The following PARM1 variants were observed in gnomAD, a reference collection of about 807,000 sequenced individuals.
The protein encoded by PARM1 is WSC4, cell wall integrity and stress response component 4 homolog.
A neutral mutation model predicts 24.6 loss-of-function variants in PARM1; 14 were observed. The observed-to-expected ratio is 0.57, with a 90% CI of 0.38 to 0.89. The LOEUF is 0.89. Ranked by LOEUF, PARM1 falls within the 40% of genes least tolerant of loss-of-function variation. PARM1 has a pLI of 0.00. For missense variants in PARM1, 362 were observed against 380.4 expected (o/e 0.95, Z 0.40); for synonymous variants, 179 against 156.6 (o/e 1.14, Z -1.07).
At chr4:74,988,672 A>G (rs7689181) in intron 1 of PARM1, among the ~76,000 whole-genome samples, 57 of 152,328 alleles carry the variant, frequency 3.7e-4, no homozygotes, top group African/African-American at 1.3e-3. Flanking sequence ...TTGTATGCCT[A>G]CTATGTATCA....
At chr4:74,994,845 T>C (rs375307874) in intron 1 of PARM1, among the ~76,000 whole-genome samples, 1 of 150,894 alleles carries the variant, frequency 6.6e-6, no homozygotes, top group Admixed American at 6.6e-5. Flanking sequence ...AATGGCAATG[T>C]AAATGATGCA....
chr4:74,981,879 CAAAA>C (rs1159910773), intron 1 of PARM1, among the ~76,000 whole-genome samples: 1 of 55,648 alleles, frequency 1.8e-5, no homozygotes, highest in Non-Finnish European at 4.0e-5. Context: ...ACTCAATCTC[CAAAA>C]AAAAAAAAAA....
intron 3 of PARM1, among the ~76,000 whole-genome samples, chr4:75,045,640 A>G (rs552833027): frequency 1.3e-5 from 2 of 152,380 alleles, no homozygotes; most frequent in Admixed American, 1.3e-4. Context: ...TGTCAGAGAA[A>G]CAAGTTTAAA....
At chr4:74,962,513 A>G (rs1721797226) in intron 1 of PARM1, among the ~76,000 whole-genome samples, 2 of 152,198 alleles carry the variant, frequency 1.3e-5, no homozygotes, top group African/African-American at 4.8e-5. Flanking sequence ...AGAATGAGAT[A>G]ATGGATTTTA....
chr4:74,994,479 C>A (rs1300369596), intron 1 of PARM1, among the ~76,000 whole-genome samples: 2 of 152,028 alleles, frequency 1.3e-5, no homozygotes, highest in African/African-American at 4.8e-5. Flanking sequence ...CTTTGCTGTC[C>A]TTTTTTAGGC....
intron 3 of PARM1, among the ~76,000 whole-genome samples, chr4:75,035,619 C>T (rs897276991): frequency 2.0e-5 from 3 of 152,208 alleles, no homozygotes; most frequent in African/African-American, 7.2e-5. Context: ...CCAGTGCCCA[C>T]TGGGAGCACT....
In PARM1 at chr4:75,013,043, C is replaced by G. The variant is rs371960515; in HGVS notation, c.662C>G (p.Pro221Arg). Residue 221 changes from proline (P) to arginine (R), a missense_variant, in exon 2 of 4, where the codon CCC (proline) becomes CGC (arginine). Coordinates refer to ENST00000307428, the MANE Select transcript of PARM1 (RefSeq NM_015393.4). The stretch of plus-strand genomic sequence containing the variant: ...GAGCCAGTACCCCAGGAGAAAACAC[C>G]CCCAACAACTGTGTCAGGCAAAGTG... ...TAEPVPQEKT[P>R]PTTVSGKVMC... is the part of the protein sequence containing the mutation. 15 of 1,613,824 alleles carry G rather than the reference C, an allele frequency of 9.3e-6. No homozygotes were observed. The African/African-American group carries it at 1.9e-4, about 20-fold the overall frequency.
intron 1 of PARM1, among the ~76,000 whole-genome samples, chr4:74,980,021 G>A (rs1392168262): frequency 1.3e-5 from 2 of 152,060 alleles, no homozygotes; most frequent in Admixed American, 6.6e-5. Flanking sequence ...ATACTAAATG[G>A]GTAAAAGCTG....
chr4:75,015,874 C>G (rs557606654), intron 2 of PARM1, among the ~76,000 whole-genome samples: 1 of 152,324 alleles, frequency 6.6e-6, no homozygotes, highest in South Asian at 2.1e-4. Flanking sequence ...GCAGACCAAG[C>G]AACATTCTGT....
At chr4:75,019,243 T>C (rs17000096) in intron 2 of PARM1, among the ~76,000 whole-genome samples, 5,494 of 152,294 alleles carry the variant, frequency 0.036, 352 homozygotes, top group African/African-American at 0.13. Context: ...TGAACAACAT[T>C]GAATGGTGCT....
chr4:74,984,806 AT>A (rs568047144), intron 1 of PARM1, among the ~76,000 whole-genome samples: 1 of 152,160 alleles, frequency 6.6e-6, no homozygotes. Context: ...TGAATTAAAC[AT>A]TTTTTTATTT....
At chr4:74,979,297 A>C (rs543162754) in intron 1 of PARM1, among the ~76,000 whole-genome samples, 123 of 152,188 alleles carry the variant, frequency 8.1e-4, no homozygotes, top group African/African-American at 2.9e-3. Context: ...CCACTGACCC[A>C]ACAGAAATAC....
At chr4:74,943,803 G>A (rs573464236) in intron 1 of PARM1, among the ~76,000 whole-genome samples, 3 of 152,314 alleles carry the variant, frequency 2.0e-5, no homozygotes, top group African/African-American at 7.2e-5. Context: ...TCTAAGGGAA[G>A]CACTATTGAA....
chr4:74,991,792 C>T lies in PARM1; in HGVS notation c.44-20633C>T, dbSNP rs142910220. ...GTGGTCCCCACATAACAAAACTTAA[C>T]TGCAAGCTGAGAGAATCAAAATGTT... On this transcript the variant is annotated intron_variant, in intron 1 of 3. Coordinates refer to ENST00000307428, the MANE Select transcript of PARM1 (RefSeq NM_015393.4). Among the ~76,000 whole-genome samples, 6 of 152,296 alleles carry T rather than the reference C, an allele frequency of 3.9e-5. No homozygotes were observed. In the East Asian group the frequency reaches 1.2e-3, roughly 29 times the overall value.
At chr4:75,042,001 T>G (rs1270353929) in intron 3 of PARM1, among the ~76,000 whole-genome samples, 2 of 152,322 alleles carry the variant, frequency 1.3e-5, no homozygotes, top group Non-Finnish European at 2.9e-5. Flanking sequence ...CTCTTTTCCC[T>G]TCCTATGTTT....
rs1723597707 is a variant in PARM1, at chr4:75,046,201, A to T, written c.887A>T (p.Tyr296Phe). 1 of 1,612,944 alleles carries T rather than the reference A, an allele frequency of 6.2e-7. No homozygotes were observed. The highest frequency in any genetic ancestry group is 1.3e-5 in the African/African-American group (1 of 74,866). ...SYGRLLDDHDYGSWGNYNNPL... is the reference protein window; with the variant it reads ...SYGRLLDDHDFGSWGNYNNPL... ...GGAAGACTTTTGGACGACCATGACT[A>T]CGGGTCCTGGGGAAACTACAACAAC... is the stretch of plus-strand genomic sequence containing the variant. Residue 296 changes from tyrosine (Y) to phenylalanine (F), a missense_variant, in exon 4 of 4, where the codon TAC (tyrosine) becomes TTC (phenylalanine). Transcript: ENST00000307428.
At chr4:74,957,820 C>G (rs1367807981) in intron 1 of PARM1, among the ~76,000 whole-genome samples, 1 of 152,144 alleles carries the variant, frequency 6.6e-6, no homozygotes. Flanking sequence ...CTTCCTTAAG[C>G]AGCTTCAGGG....
chr4:74,998,269 G>A (rs1302202912), intron 1 of PARM1, among the ~76,000 whole-genome samples: 1 of 152,204 alleles, frequency 6.6e-6, no homozygotes, highest in African/African-American at 2.4e-5. Context: ...GTGTACCCAA[G>A]TAGTGATTTA....
At chr4:74,960,323 C>G (rs77096381) in intron 1 of PARM1, among the ~76,000 whole-genome samples, 1 of 152,126 alleles carries the variant, frequency 6.6e-6, no homozygotes, top group Non-Finnish European at 1.5e-5. Context: ...CTTTATTTTT[C>G]TCTTCTTCCC....
Sources: gnomAD v4.1 joint callset for allele counts (sites outside exome capture counted in the v4.1 genomes callset) on GRCh38, gnomAD v4.1.1 for gene constraint, MANE v1.5 for transcripts, NCBI Gene and HGNC (gene_info 2026-07-23, HGNC 2026-07-21) for gene names.